Variants in PPM1B observed in about 807,000 individuals in gnomAD.
PPM1B encodes the protein protein phosphatase, Mg2+/Mn2+ dependent 1B.
In PPM1B, 22 loss-of-function variants were observed where a neutral mutation model predicts 43.0. The observed-to-expected ratio is 0.51, with a 90% confidence interval of 0.37 to 0.73. The LOEUF is 0.73. Among genes scored for constraint, PPM1B ranks in the 30% least tolerant of loss-of-function variants. The pLI is 0.00. For synonymous variants in PPM1B, 217 were observed against 197.9 expected (o/e 1.10, Z -0.81); for missense variants, 632 against 584.2 (o/e 1.08, Z -0.84).
At chr2:44,246,635 G>C (rs1176057612), downstream of PPM1B, among the ~76,000 whole-genome samples, 1 of 152,152 alleles carries the variant, frequency 6.6e-6, no homozygotes, top group African/African-American at 2.4e-5. Flanking sequence ...TATCTACAAG[G>C]ATATCATAGG....
intron 5 of PPM1B, among the ~76,000 whole-genome samples, chr2:44,223,691 C>T (rs1181682577): frequency 1.3e-5 from 2 of 151,494 alleles, no homozygotes; most frequent in East Asian, 3.9e-4. Flanking sequence ...TGGTGGGCGC[C>T]TGTAGTCTCA....
downstream of PPM1B, chr2:44,232,723 A>G (rs112489748): frequency 3.0e-6 from 3 of 1,009,334 alleles, no homozygotes; most frequent in Non-Finnish European, 3.5e-6. Flanking sequence ...AACACACAAC[A>G]TGTAAGCATG....
downstream of PPM1B, chr2:44,234,708 T>C (rs1381849300): frequency 1.5e-6 from 1 of 661,776 alleles, no homozygotes. Flanking sequence ...TCTTACAAAT[T>C]GTATACTCCA....
intron 3 of PPM1B, among the ~76,000 whole-genome samples, chr2:44,210,190 T>G (rs1452314319): frequency 1.3e-5 from 2 of 151,880 alleles, no homozygotes; most frequent in African/African-American, 2.4e-5. Context: ...TTTTACATAT[T>G]TTTTTAAACT....
rs1558430126 is a variant in PPM1B, at chr2:44,226,983, A to ATTT, written c.1135-3430_1135-3429insTTT. Among the ~76,000 whole-genome samples, 17 of 148,052 alleles carry ATTT rather than the reference A, an allele frequency of 1.1e-4. No individual in the cohort carries two copies. The South Asian group carries it at 3.0e-3, about 26-fold the overall frequency. On this transcript the variant is annotated intron_variant, in intron 5 of 5. Coordinates refer to ENST00000282412, the MANE Select transcript of PPM1B (RefSeq NM_002706.6). ...TTATTTATTTATTTATGAATGAATG[A>ATTT]ATGAATGAATGACAGGGTCTTCCTC...
At chr2:44,172,565 A>T (rs990442696) in intron 1 of PPM1B, among the ~76,000 whole-genome samples, 3 of 152,168 alleles carry the variant, frequency 2.0e-5, no homozygotes, top group Non-Finnish European at 4.4e-5. Context: ...ACATTGAGTT[A>T]AAAAAATGGG....
chr2:44,188,577 C>T (rs574674879), intron 1 of PPM1B, among the ~76,000 whole-genome samples: 3 of 151,706 alleles, frequency 2.0e-5, no homozygotes, highest in African/African-American at 7.3e-5. Context: ...TTTAATCTTT[C>T]GTAGAGTTGG....
At chr2:44,184,409 G>T (rs953338968) in intron 1 of PPM1B, among the ~76,000 whole-genome samples, 1 of 151,498 alleles carries the variant, frequency 6.6e-6, no homozygotes, top group Non-Finnish European at 1.5e-5. Flanking sequence ...ATTTTTTTTC[G>T]TCTCTTGACC....
downstream of PPM1B, among the ~76,000 whole-genome samples, chr2:44,237,715 C>G (rs926522923): frequency 6.6e-6 from 1 of 152,032 alleles, no homozygotes; most frequent in African/African-American, 2.4e-5. Flanking sequence ...TGTATTCTTT[C>G]CATATAACAT....
At chr2:44,184,116 T>C (rs564177783) in intron 1 of PPM1B, among the ~76,000 whole-genome samples, 2 of 152,384 alleles carry the variant, frequency 1.3e-5, no homozygotes, top group African/African-American at 4.8e-5. Flanking sequence ...TTATTTGTAA[T>C]GTAGTGATTA....
intron 1 of PPM1B, among the ~76,000 whole-genome samples, chr2:44,177,787 ATTTT>A (rs200012517): frequency 2.1e-5 from 3 of 143,054 alleles, no homozygotes; most frequent in African/African-American, 7.7e-5. Context: ...CATATACAGA[ATTTT>A]TTTTTTTTTT....
chr2:44,193,167 A>G (rs1285536056), intron 1 of PPM1B, among the ~76,000 whole-genome samples: 1 of 152,164 alleles, frequency 6.6e-6, no homozygotes, highest in African/African-American at 2.4e-5. Flanking sequence ...TTACTGTAAT[A>G]ATTTACATAA....
At chr2:44,171,278 C>T (rs1667328809) in intron 1 of PPM1B, among the ~76,000 whole-genome samples, 1 of 152,134 alleles carries the variant, frequency 6.6e-6, no homozygotes, top group African/African-American at 2.4e-5. Flanking sequence ...GTTAGTAATT[C>T]ACCTAATTAC....
At chr2:44,177,309 C>T (rs1667625704) in intron 1 of PPM1B, among the ~76,000 whole-genome samples, 1 of 151,602 alleles carries the variant, frequency 6.6e-6, no homozygotes. Context: ...TATAATCTAA[C>T]ATTTTATTAA....
chr2:44,231,316 A>G lies in PPM1B; in HGVS notation c.*598A>G. The G allele has an allele frequency of 1.0e-6, 1 of 980,532 alleles. No homozygotes were observed. The highest frequency in any genetic ancestry group is 1.2e-6 in the Non-Finnish European group (1 of 825,520). The allele number at this position is 980,532 out of a possible 1,614,324, so 60.7% of individuals were successfully genotyped here. On this transcript the variant is annotated 3_prime_UTR_variant, in exon 6 of 6. Coordinates refer to ENST00000282412, the MANE Select transcript of PPM1B (RefSeq NM_002706.6). The stretch of plus-strand genomic sequence containing the variant: ...TTCCTTTCTCTGTATTCTTTATGAA[A>G]CATAACTTTTGAAAAACCTATGTAT...
At chr2:44,220,909 A>G (rs963043406) in intron 5 of PPM1B, among the ~76,000 whole-genome samples, 1 of 152,244 alleles carries the variant, frequency 6.6e-6, no homozygotes, top group African/African-American at 2.4e-5. Flanking sequence ...AAAGTATAAG[A>G]TATCTTCAAA....
chr2:44,224,547 T>G (rs1670129227), intron 5 of PPM1B, among the ~76,000 whole-genome samples: 1 of 152,156 alleles, frequency 6.6e-6, no homozygotes. Flanking sequence ...GGTTAAATTT[T>G]ATTTTTTAAA....
intron 1 of PPM1B, among the ~76,000 whole-genome samples, chr2:44,192,377 G>A (rs775703834): frequency 1.2e-4 from 18 of 151,800 alleles, no homozygotes; most frequent in Non-Finnish European, 1.9e-4. Flanking sequence ...AACCATGCCC[G>A]GCTAATTTTT....
intron 1 of PPM1B, among the ~76,000 whole-genome samples, chr2:44,171,987 T>C (rs1460698842): frequency 2.0e-5 from 3 of 152,248 alleles, no homozygotes; most frequent in Non-Finnish European, 2.9e-5. Context: ...TTATATTTTC[T>C]GTGAAATATG....
Sources: gnomAD v4.1 joint callset for allele counts (sites outside exome capture counted in the v4.1 genomes callset) on GRCh38, gnomAD v4.1.1 for gene constraint, MANE v1.5 for transcripts, NCBI Gene and HGNC (gene_info 2026-07-23, HGNC 2026-07-21) for gene names.